The following DAPP1 variants were observed in gnomAD, a reference collection of about 807,000 sequenced individuals.
The protein encoded by DAPP1 is dual adapter for phosphotyrosine and 3-phosphotyrosine and 3-phosphoinositide.
DAPP1 carries 20 observed loss-of-function variants against 41.5 expected under a neutral mutation model. The ratio of observed to expected loss-of-function variants is 0.48; its 90% confidence interval spans 0.34 to 0.70. The LOEUF (loss-of-function observed/expected upper bound fraction) is 0.70, where lower values mean the gene tolerates loss of function less well. DAPP1 is among the 30% of genes least tolerant of loss of function. DAPP1 has a pLI of 0.01. For synonymous variants in DAPP1, 113 were observed against 116.2 expected, an observed-to-expected ratio of 0.97 and a Z score of 0.18; for missense variants, 233 against 333.4, an observed-to-expected ratio of 0.70 and a Z score of 2.35.
intron 1 of DAPP1, among the ~76,000 whole-genome samples, chr4:99,819,123 T>C (rs943769105): frequency 6.6e-6 from 1 of 152,240 alleles, no homozygotes; most frequent in Non-Finnish European, 1.5e-5. Flanking sequence ...GAGGTTATTT[T>C]ACATATCATA....
At chr4:99,838,427 G>A (rs1355813208) in intron 2 of DAPP1, among the ~76,000 whole-genome samples, 1 of 152,100 alleles carries the variant, frequency 6.6e-6, no homozygotes, top group Admixed American at 6.5e-5. Context: ...TTCTGCACCA[G>A]CCACTTTGGT....
chr4:99,853,374 A>G (rs1578184957), intron 4 of DAPP1, 26 bp downstream of exon 4: 2 of 1,592,582 alleles, frequency 1.3e-6, no homozygotes, highest in East Asian at 2.3e-5. Context: ...CGTGACCACA[A>G]GCTCTCTCCC....
intron 8 of DAPP1, chr4:99,866,707 A>G (rs1578195280): frequency 3.1e-6 from 2 of 646,998 alleles, no homozygotes; most frequent in Middle Eastern, 2.6e-4. Flanking sequence ...TTGTCCTTAA[A>G]GCTGACTAAA....
chr4:99,854,065 G>T (rs932361638), intron 4 of DAPP1, among the ~76,000 whole-genome samples: 3 of 152,000 alleles, frequency 2.0e-5, no homozygotes, highest in Non-Finnish European at 4.4e-5. Context: ...AAAACTCAGG[G>T]TATTATTTTT....
intron 1 of DAPP1, among the ~76,000 whole-genome samples, chr4:99,833,329 C>T (rs1723185465): frequency 6.6e-6 from 1 of 152,180 alleles, no homozygotes. Context: ...CATGCCATTG[C>T]TTTCAGCTAG....
chr4:99,860,328 A>G (rs150302511), intron 4 of DAPP1, among the ~76,000 whole-genome samples: 29 of 152,332 alleles, frequency 1.9e-4, no homozygotes, highest in Admixed American at 3.3e-4. Context: ...AAATAATTCT[A>G]TCAGGATCTT....
At chr4:99,850,209 A>C (rs1260232774) in intron 3 of DAPP1, among the ~76,000 whole-genome samples, 1 of 152,214 alleles carries the variant, frequency 6.6e-6, no homozygotes, top group Admixed American at 6.5e-5. Context: ...CACGAGTTCG[A>C]GACCAGTCTG....
At chr4:99,851,028 T>C (rs1472677586) in intron 3 of DAPP1, among the ~76,000 whole-genome samples, 7 of 152,110 alleles carry the variant, frequency 4.6e-5, no homozygotes, top group Non-Finnish European at 8.8e-5. Flanking sequence ...GGGTCCAGAG[T>C]GACTATGAAG....
Position 99,831,650 on chromosome 4 carries a change from T to A in DAPP1, c.102-3973T>A, listed in dbSNP as rs528204358. ...AGGTGGAAACTAGAAGAGGAATCGC[T>A]GGTCATATGTGGAGGTTCAGTTACA... is the stretch of plus-strand genomic sequence containing the variant. On this transcript the variant is annotated intron_variant, in intron 1 of 8. Coordinates refer to ENST00000512369, the MANE Select transcript of DAPP1 (RefSeq NM_014395.3). Among the ~76,000 whole-genome samples, 4 of 152,342 alleles carry A rather than the reference T, an allele frequency of 2.6e-5. No homozygotes were observed. The East Asian group carries it at 7.7e-4, about 29-fold the overall frequency.
rs774660751 is a variant in DAPP1 at position 99,835,677 on chromosome 4, T to C, written c.156T>C (p.Asn52=). The C allele has an allele frequency of 1.1e-5, 18 of 1,613,678 alleles. 1 individual carries two copies. In the Admixed American group the frequency reaches 1.2e-4, roughly 10 times the overall value. Residue 52 remains asparagine, a synonymous_variant, in exon 2 of 9, where the codon AAT becomes AAC. Coordinates refer to ENST00000512369, the MANE Select transcript of DAPP1 (RefSeq NM_014395.3). The part of the protein sequence containing the change: ...RHAAEALLLS[N]GCDGSYLLRD... Reference sequence around the variant, plus strand: ...CTGCTGAAGCTCTTCTCCTCTCAAATGGATGTGACGGCAGCTACCTTCTGA... The same window carrying C: ...CTGCTGAAGCTCTTCTCCTCTCAAACGGATGTGACGGCAGCTACCTTCTGA...
At chr4:99,846,401 T>C (rs762682131) in intron 3 of DAPP1, among the ~76,000 whole-genome samples, 21 of 152,182 alleles carry the variant, frequency 1.4e-4, no homozygotes, top group Non-Finnish European at 2.1e-4. Context: ...TGAGCTTCAG[T>C]TTCATCATCT....
intron 1 of DAPP1, among the ~76,000 whole-genome samples, chr4:99,829,542 A>T (rs1410763179): frequency 6.6e-6 from 1 of 152,140 alleles, no homozygotes; most frequent in African/African-American, 2.4e-5. Flanking sequence ...GGATGAGAAA[A>T]CTGAGGTTGC....
At chr4:99,863,208 G>A in intron 6 of DAPP1, 136 bp downstream of exon 6, 2 of 608,610 alleles carry the variant, frequency 3.3e-6, no homozygotes, top group Non-Finnish European at 5.6e-6. Context: ...ATGAATTCTT[G>A]ATTCCTGAAA....
chr4:99,859,678 G>C (rs563626472), intron 4 of DAPP1, among the ~76,000 whole-genome samples: 12 of 152,110 alleles, frequency 7.9e-5, no homozygotes, highest in Non-Finnish European at 1.8e-4. Flanking sequence ...CCCTTACCCC[G>C]ACACTCCAAC....
chr4:99,846,864 A>G (rs1423075630), intron 3 of DAPP1, among the ~76,000 whole-genome samples: 1 of 152,226 alleles, frequency 6.6e-6, no homozygotes, highest in Non-Finnish European at 1.5e-5. Context: ...CTTCACATGT[A>G]AATGAACAAG....
chr4:99,841,287 A>G (rs1387891706), intron 3 of DAPP1, among the ~76,000 whole-genome samples: 1 of 152,214 alleles, frequency 6.6e-6, no homozygotes, highest in Non-Finnish European at 1.5e-5. Context: ...AAGAGATGGC[A>G]TCATTGGCTT....
At chr4:99,863,156 AT>A in intron 6 of DAPP1, 84 bp downstream of exon 6, 1 of 785,862 alleles carries the variant, frequency 1.3e-6, no homozygotes, top group Non-Finnish European at 2.0e-6. Context: ...CTCTGAAATT[AT>A]TTTTATATCC....
intron 4 of DAPP1, among the ~76,000 whole-genome samples, chr4:99,861,285 G>A (rs1032480133): frequency 3.3e-5 from 5 of 152,106 alleles, no homozygotes; most frequent in Non-Finnish European, 7.4e-5. Flanking sequence ...CCAAACAGCT[G>A]GATTTCACAT....
At chr4:99,836,220 T>C (rs911305585) in intron 2 of DAPP1, among the ~76,000 whole-genome samples, 7 of 152,232 alleles carry the variant, frequency 4.6e-5, no homozygotes, top group African/African-American at 1.7e-4. Flanking sequence ...GCTTTTCATA[T>C]TGAGTCTCTA....
Sources: allele counts gnomAD v4.1 joint callset (sites outside exome capture counted in the v4.1 genomes callset), GRCh38; gene constraint gnomAD v4.1.1; transcripts MANE v1.5; gene names NCBI Gene and HGNC (gene_info 2026-07-23, HGNC 2026-07-21).